Variants in CDH6 observed in about 807,000 individuals in gnomAD.
The protein encoded by CDH6 is cadherin 6.
In CDH6, 31 loss-of-function variants were observed where a neutral mutation model predicts 78.0. The ratio of observed to expected loss-of-function variants is 0.40; its 90% confidence interval spans 0.30 to 0.54. The LOEUF (loss-of-function observed/expected upper bound fraction) is 0.54. Ranked by LOEUF, CDH6 falls within the 20% of genes least tolerant of loss-of-function variation. The probability of loss-of-function intolerance (pLI) is 0.56; values close to 1 mark genes in which losing one functional copy is unlikely to be tolerated. For synonymous variants in CDH6, 376 were observed against 368.8 expected (o/e 1.02, Z -0.23); for missense variants, 724 against 975.9 (o/e 0.74, Z 3.44).
At chr5:31,199,480 G>GTATATATGTACACACACATATGTGTA (rs1740270890) in intron 1 of CDH6, among the ~76,000 whole-genome samples, 13 of 32,062 alleles carry the variant, frequency 4.1e-4, no homozygotes, top group African/African-American at 9.8e-4. Flanking sequence ...ACACATATGT[G>GTATATATGTACACACACATATGTGTA]TATATATGTA....
intron 5 of CDH6, 135 bp downstream of exon 5, chr5:31,299,766 T>G: frequency 1.4e-6 from 1 of 707,614 alleles, no homozygotes; most frequent in Non-Finnish European, 2.4e-6. Flanking sequence ...TTATTAAAAA[T>G]GAGTTGACAA....
intron 1 of CDH6, among the ~76,000 whole-genome samples, chr5:31,197,676 G>C (rs1369815585): frequency 6.6e-6 from 1 of 152,152 alleles, no homozygotes; most frequent in Admixed American, 6.6e-5. Flanking sequence ...ACAGCACCCA[G>C]TTGTGACAAT....
intron 1 of CDH6, among the ~76,000 whole-genome samples, chr5:31,219,941 C>T (rs80107020): frequency 0.077 from 11,715 of 152,156 alleles, 553 homozygotes; most frequent in African/African-American, 0.12. Context: ...AAAGTTGTTC[C>T]CCTCTTAATT....
intron 1 of CDH6, among the ~76,000 whole-genome samples, chr5:31,227,036 C>T (rs1213445374): frequency 6.6e-6 from 1 of 152,138 alleles, no homozygotes; most frequent in Non-Finnish European, 1.5e-5. Context: ...CTCAGCTTCT[C>T]CTAGCACCAC....
In CDH6 at chr5:31,323,358, C is replaced by A; in HGVS notation, c.*50C>A. The A allele has an allele frequency of 1.3e-6, 2 of 1,561,078 alleles. No homozygotes were observed. Among genetic ancestry groups the A allele is most frequent in the Non-Finnish European group, 1.7e-6 (2 of 1,150,440 alleles). ...TACGACACTGAAATATGTGAAGTGG[C>A]TATTTCTTTATATTTATCCACTACT... On this transcript the variant is annotated 3_prime_UTR_variant, in exon 12 of 12. Coordinates refer to ENST00000265071, the MANE Select transcript of CDH6 (RefSeq NM_004932.4).
chr5:31,246,916 ATATTTTG>A (rs1479681017), intron 1 of CDH6, among the ~76,000 whole-genome samples: 2 of 152,060 alleles, frequency 1.3e-5, no homozygotes, highest in Non-Finnish European at 2.9e-5. Context: ...TGCTTGGCTA[ATATTTTG>A]TATTTTTAGT....
intron 1 of CDH6, among the ~76,000 whole-genome samples, chr5:31,196,691 A>G (rs1279444931): frequency 2.6e-5 from 4 of 152,208 alleles, no homozygotes; most frequent in Non-Finnish European, 5.9e-5. Flanking sequence ...AGGTCAAATC[A>G]TTATTGCTAT....
chr5:31,258,706 C>A (rs1325302424), intron 1 of CDH6, among the ~76,000 whole-genome samples: 1 of 152,080 alleles, frequency 6.6e-6, no homozygotes, highest in Non-Finnish European at 1.5e-5. Flanking sequence ...GTGTGTAGAG[C>A]ATTTATCCCA....
intron 8 of CDH6, among the ~76,000 whole-genome samples, chr5:31,315,703 T>C (rs1738300732): frequency 6.6e-6 from 1 of 152,214 alleles, no homozygotes; most frequent in Non-Finnish European, 1.5e-5. Flanking sequence ...ATCTATAAAA[T>C]GGGGGCAGTA....
chr5:31,288,862 A>G (rs1376629220), intron 2 of CDH6, among the ~76,000 whole-genome samples: 2 of 152,224 alleles, frequency 1.3e-5, no homozygotes, highest in African/African-American at 2.4e-5. Context: ...TTAGCCAAAC[A>G]TCACTTCATA....
rs532388429 is a variant in CDH6, at chr5:31,198,288, A to G, written c.-129+4402A>G. Among the ~76,000 whole-genome samples the G allele has an allele frequency of 3.3e-5, 5 of 152,288 alleles. No individual in the cohort carries two copies. The South Asian group carries it at 1.0e-3, about 32-fold the overall frequency. Reference sequence around the variant, plus strand: ...TGTTTAATATCTTTACACTAACACCATTGGGTGCTGGTTTCTTCCAGGAAT... The same window carrying G: ...TGTTTAATATCTTTACACTAACACCGTTGGGTGCTGGTTTCTTCCAGGAAT... On this transcript the variant is annotated intron_variant, in intron 1 of 11. Coordinates refer to ENST00000265071, the MANE Select transcript of CDH6 (RefSeq NM_004932.4).
chr5:31,198,203 G>A (rs1740223647), intron 1 of CDH6, among the ~76,000 whole-genome samples: 1 of 152,192 alleles, frequency 6.6e-6, no homozygotes, highest in African/African-American at 2.4e-5. Flanking sequence ...AATGCTCTGA[G>A]CACACATTCA....
At chr5:31,261,351 G>A (rs762443580) in intron 1 of CDH6, among the ~76,000 whole-genome samples, 1 of 152,102 alleles carries the variant, frequency 6.6e-6, no homozygotes, top group Non-Finnish European at 1.5e-5. Flanking sequence ...GCAAGAAAAT[G>A]TACCAAAAAG....
chr5:31,249,737 G>A (rs1741858055), intron 1 of CDH6: 2 of 152,250 alleles, frequency 1.3e-5, no homozygotes, highest in South Asian at 4.1e-4. Flanking sequence ...AAATTCAGAA[G>A]GTATTTAAGA....
intron 1 of CDH6, among the ~76,000 whole-genome samples, chr5:31,231,129 G>T (rs571461068): frequency 6.6e-6 from 1 of 152,146 alleles, no homozygotes; most frequent in African/African-American, 2.4e-5. Flanking sequence ...GGGTGATTCA[G>T]CCTATAATGA....
chr5:31,300,264 C>A (rs1477388993), intron 5 of CDH6, among the ~76,000 whole-genome samples: 2 of 152,034 alleles, frequency 1.3e-5, no homozygotes, highest in Non-Finnish European at 2.9e-5. Context: ...ATAGAGCTAC[C>A]CAAGAGGGAA....
At chr5:31,237,584 AGGT>A (rs1405638175) in intron 1 of CDH6, among the ~76,000 whole-genome samples, 1 of 152,182 alleles carries the variant, frequency 6.6e-6, no homozygotes, top group East Asian at 1.9e-4. Flanking sequence ...CATTTTTGAT[AGGT>A]TGACCCCCAG....
intron 1 of CDH6, among the ~76,000 whole-genome samples, chr5:31,262,196 C>T (rs1742228035): frequency 6.6e-6 from 1 of 152,188 alleles, no homozygotes; most frequent in Admixed American, 6.5e-5. Flanking sequence ...TAAATAAAAT[C>T]TGGACTTGAC....
intron 1 of CDH6, among the ~76,000 whole-genome samples, chr5:31,241,506 G>A (rs1251156832): frequency 3.3e-5 from 5 of 152,246 alleles, no homozygotes; most frequent in Non-Finnish European, 7.3e-5. Flanking sequence ...GGTAATGCCA[G>A]CTGCTATAAC....
Sources: gnomAD v4.1 joint callset for allele counts (sites outside exome capture counted in the v4.1 genomes callset) on GRCh38, gnomAD v4.1.1 for gene constraint, MANE v1.5 for transcripts, NCBI Gene and HGNC (gene_info 2026-07-23, HGNC 2026-07-21) for gene names.